The following DNAH10 variants were observed in gnomAD, a reference collection of about 807,000 sequenced individuals.
DNAH10 encodes dynein axonemal heavy chain 10.
In DNAH10, 348 loss-of-function variants were observed where a neutral mutation model predicts 506.6. The observed-to-expected ratio is 0.69, with a 90% confidence interval of 0.63 to 0.75. The LOEUF is 0.75. DNAH10 is among the 30% of genes least tolerant of loss of function. The pLI is 0.00. For missense variants in DNAH10, 5,179 were observed against 5,787.1 expected (o/e 0.89, Z 3.41); for synonymous variants, 2,059 against 2,198.6 (o/e 0.94, Z 1.78).
At chr12:123,931,272 G>C in intron 73 of DNAH10, 69 bp from the exon 74 acceptor site, 2 of 1,585,742 alleles carry the variant, frequency 1.3e-6, no homozygotes, top group South Asian at 1.1e-5. Flanking sequence ...TGGAGACTTT[G>C]AGGCTGTGGG....
chr12:123,900,391 G>C (rs746996011), intron 56 of DNAH10, among the ~76,000 whole-genome samples: 8 of 152,306 alleles, frequency 5.3e-5, no homozygotes, highest in Non-Finnish European at 1.2e-4. Flanking sequence ...GGTAGGGAGA[G>C]TGGGGGCTAG....
chr12:123,922,103 G>A (rs1046615747), intron 65 of DNAH10, among the ~76,000 whole-genome samples: 8 of 152,002 alleles, frequency 5.3e-5, no homozygotes, highest in Non-Finnish European at 7.4e-5. Context: ...GGCCAGGCGC[G>A]GTGGCTCACT....
At position 123,790,030 on chromosome 12, in the gene DNAH10, C is replaced by G. The variant is rs1958020596; in HGVS notation, c.1724C>G (p.Thr575Ser). The change falls in exon 11 of 79, where the codon ACC becomes AGC. Residue 575 changes from threonine to serine, a missense_variant. Physicochemically the swap from Thr to Ser is moderately conservative, Grantham distance 58 (BLOSUM62 1). Coordinates refer to ENST00000673944, the MANE Select transcript of DNAH10 (RefSeq NM_001372106.1). Reference protein sequence around the residue: ...DVLCRVDGLVTPMENLTFDPF... With the variant: ...DVLCRVDGLVSPMENLTFDPF... ...CTATGCAGAGTGGACGGCCTAGTCA[C>G]CCCCATGGAAAACCTGACCTTTGAC... is the stretch of plus-strand genomic sequence containing the variant. 2 of 1,614,020 alleles carry G rather than the reference C, an allele frequency of 1.2e-6. No individual in the cohort carries two copies. Among genetic ancestry groups the G allele is most frequent in the African/African-American group, 2.7e-5 (2 of 74,886 alleles).
intron 34 of DNAH10, among the ~76,000 whole-genome samples, chr12:123,849,769 GC>G (rs2136703846): frequency 6.6e-6 from 1 of 152,312 alleles, no homozygotes; most frequent in South Asian, 2.1e-4. Flanking sequence ...TGAGCTGGTG[GC>G]CCTGTCATCT....
intron 11 of DNAH10, among the ~76,000 whole-genome samples, chr12:123,792,607 G>C (rs1467367467): frequency 2.0e-5 from 3 of 152,036 alleles, no homozygotes; most frequent in Non-Finnish European, 4.4e-5. Flanking sequence ...TTACAGGTGT[G>C]TGCCACCACA....
chr12:123,857,236 C>T lies in DNAH10; in HGVS notation c.6619C>T (p.Leu2207=), dbSNP rs1594210848. 1.3e-6 allele frequency: 2 copies of T among 1,560,454 alleles called. No homozygotes were observed. Among genetic ancestry groups the T allele is most frequent in the Non-Finnish European group, 1.7e-6 (2 of 1,149,722 alleles). ...QVLEENGYAV[L]PIQVDKVVQM... ...CCTGGAGGAGAACGGCTACGCGGTCCTACCCATCCAGGTAAAGCCAGGAAA... is the reference window on the plus strand; with the variant it reads ...CCTGGAGGAGAACGGCTACGCGGTCTTACCCATCCAGGTAAAGCCAGGAAA... Residue 2207 remains leucine (L), a synonymous_variant, in exon 37 of 79, where the codon CTA becomes TTA. Transcript: ENST00000673944.
chr12:123,914,915 G>A lies in DNAH10; in HGVS notation c.10638G>A (p.Arg3546=). Residue 3546 remains arginine, a synonymous_variant, in exon 62 of 79, where the codon CGG becomes CGA. Transcript: ENST00000673944. ...TTCAGAATGGCATCCTCACCACCCG[G>A]GCCAGCCGCTTCCCTCTGTGTATCG... ...LSVQNGILTT[R]ASRFPLCIDP... is the part of the protein sequence containing the mutation. 6.2e-7 allele frequency: 1 copy of A among 1,613,318 alleles called. No individual in the cohort carries two copies. Among genetic ancestry groups the A allele is most frequent in the South Asian group, 1.1e-5 (1 of 90,898 alleles).
chr12:123,915,838 A>C (rs1010098394), intron 62 of DNAH10, among the ~76,000 whole-genome samples: 5 of 152,190 alleles, frequency 3.3e-5, no homozygotes, highest in Non-Finnish European at 7.3e-5. Context: ...GTTGGTGCAC[A>C]CGTTTCTATG....
At chr12:123,908,660 C>T (rs1953922093) in intron 57 of DNAH10, 2 of 427,272 alleles carry the variant, frequency 4.7e-6, no homozygotes, top group South Asian at 1.7e-5. Context: ...GGGCAGTGGA[C>T]ATCTGCGTTC....
At chr12:123,836,975 C>G (rs534203931) in intron 28 of DNAH10, among the ~76,000 whole-genome samples, 25 of 33,900 alleles carry the variant, frequency 7.4e-4, no homozygotes, top group Non-Finnish European at 1.3e-3. Flanking sequence ...GCCTCAGCCT[C>G]CGAGTAGCTG....
chr12:123,833,226 A>G lies in DNAH10; in HGVS notation c.4658A>G (p.Gln1553Arg), dbSNP rs367930813. ...YILGSVDEII[Q>R]SLDDNTFNLQ... ...CTGGGTTCTGTTGACGAAATTATTC[A>G]GTCTCTTGATGACAACACTTTCAAC... The change falls in exon 27 of 79, where the codon CAG becomes CGG. Residue 1553 changes from glutamine to arginine, a missense_variant. Transcript: ENST00000673944. 28 of 1,613,898 alleles carry G rather than the reference A, an allele frequency of 1.7e-5. No individual in the cohort carries two copies. Among genetic ancestry groups the G allele is most frequent in the African/African-American group, 1.5e-4 (11 of 75,064 alleles).
intron 57 of DNAH10, among the ~76,000 whole-genome samples, chr12:123,908,026 G>A (rs1953866793): frequency 6.6e-6 from 1 of 152,018 alleles, no homozygotes; most frequent in African/African-American, 2.4e-5. Context: ...TGGGGGATTT[G>A]CTCACTGCAG....
chr12:123,884,500 C>G (rs1296131370), intron 51 of DNAH10, among the ~76,000 whole-genome samples: 1 of 152,172 alleles, frequency 6.6e-6, no homozygotes, highest in African/African-American at 2.4e-5. Context: ...AGAGAGGGCC[C>G]TCTCCCGGGC....
At chr12:123,820,261 T>C (rs56209124) in intron 23 of DNAH10, among the ~76,000 whole-genome samples, 5,086 of 152,090 alleles carry the variant, frequency 0.033, 163 homozygotes, top group Admixed American at 0.049. Context: ...GAGTTATCAG[T>C]AGGATGATGA....
intron 38 of DNAH10, 32 bp downstream of exon 38, chr12:123,859,300 T>C: frequency 6.6e-7 from 1 of 1,507,740 alleles, no homozygotes; most frequent in Non-Finnish European, 8.9e-7. Flanking sequence ...AGGGCCTGGC[T>C]GCCACAGGGG....
rs79632791 is a variant in DNAH10 at position 123,904,523 on chromosome 12, G to C, written c.9815+1410G>C. On this transcript the variant is annotated intron_variant, in intron 57 of 78. Transcript: ENST00000673944. ...TTCCATCAATCCAAGGTGGAGGAGT[G>C]GGGGGGAGCTTCCATGGGGCCAAAT... is the stretch of plus-strand genomic sequence containing the variant. 4.5e-3 allele frequency among the ~76,000 whole-genome samples: 692 copies of C among 152,116 alleles called. 5 individuals carry two copies. The highest frequency in any genetic ancestry group is 0.016 in the African/African-American group (649 of 41,470).
chr12:123,790,205 CT>C, intron 11 of DNAH10, 84 bp downstream of exon 11: 1 of 1,320,488 alleles, frequency 7.6e-7, no homozygotes, highest in Non-Finnish European at 1.0e-6. Context: ...TTTAGTGATG[CT>C]TAGTCTTTTT....
intron 28 of DNAH10, among the ~76,000 whole-genome samples, 173 bp from the exon 29 acceptor site, chr12:123,838,283 A>G (rs1231381576): frequency 6.6e-6 from 1 of 152,242 alleles, no homozygotes; most frequent in East Asian, 1.9e-4. Context: ...TGCTAAGGAT[A>G]TGCATGTTTA....
Position 123,800,368 on chromosome 12 carries a change from C to T in DNAH10, c.2442C>T (p.Leu814=), listed in dbSNP as rs1313126532. 2 of 1,612,672 alleles carry T rather than the reference C, an allele frequency of 1.2e-6. No homozygotes were observed. The highest frequency in any genetic ancestry group is 2.2e-5 in the South Asian group (2 of 90,774). ...CTGAATTAGCAAGAAATGTTGCTCT[C>T]CAGGAAGACAAATTCCTTAGGTAAA... The part of the protein sequence containing the change: ...TVPELARNVA[L]QEDKFLRYTA... Residue 814 remains leucine, a synonymous_variant, in exon 15 of 79, where the codon CTC becomes CTT. Transcript: ENST00000673944.
Sources: allele counts gnomAD v4.1 joint callset (sites outside exome capture counted in the v4.1 genomes callset), GRCh38; gene constraint gnomAD v4.1.1; transcripts MANE v1.5; gene names NCBI Gene and HGNC (gene_info 2026-07-23, HGNC 2026-07-21).